NALCN: variants seen among roughly 807,000 people sequenced by gnomAD.
NALCN encodes sodium leak channel NALCN.
A neutral mutation model predicts 225.3 loss-of-function variants in NALCN; 111 were observed. The ratio of observed to expected loss-of-function variants is 0.49; its 90% CI spans 0.42 to 0.58. The LOEUF (loss-of-function observed/expected upper bound fraction) is 0.58, where lower values mean the gene tolerates loss of function less well. Among genes scored for constraint, NALCN ranks in the 20% least tolerant of loss-of-function variants. The pLI, the probability that NALCN is intolerant of heterozygous loss-of-function variation, is 0.00. For missense variants in NALCN, 1,378 were observed against 2,202.4 expected (o/e 0.63, Z 7.49); for synonymous variants, 764 against 769.0 (o/e 0.99, Z 0.11).
chr13:101,180,689 C>T (rs1312276523), intron 14 of NALCN: 5 of 191,012 alleles, frequency 2.6e-5, no homozygotes, highest in Middle Eastern at 2.6e-3. Context: ...CTGCCCCTGG[C>T]CCATGTGGGG....
intron 37 of NALCN, among the ~76,000 whole-genome samples, chr13:101,069,904 A>C (rs2032723371): frequency 6.6e-6 from 1 of 151,916 alleles, no homozygotes; most frequent in Non-Finnish European, 1.5e-5. Context: ...TTCCATTTCT[A>C]ATTCTAGTTC....
At chr13:101,353,294 C>G (rs1034211181) in intron 6 of NALCN, among the ~76,000 whole-genome samples, 2 of 152,040 alleles carry the variant, frequency 1.3e-5, no homozygotes, top group African/African-American at 4.8e-5. Context: ...AAAAGCTGAC[C>G]CCTAGATTGA....
chr13:101,090,249 T>C (rs938002931), intron 28 of NALCN, among the ~76,000 whole-genome samples: 1 of 152,222 alleles, frequency 6.6e-6, no homozygotes, highest in Non-Finnish European at 1.5e-5. Flanking sequence ...GTGATCTCAA[T>C]GTAAAACAGC....
At chr13:101,397,021 T>C (rs2047312253) in intron 2 of NALCN, among the ~76,000 whole-genome samples, 1 of 146,566 alleles carries the variant, frequency 6.8e-6, no homozygotes, top group Non-Finnish European at 1.5e-5. Flanking sequence ...AACACACTTC[T>C]GACTCCTGCT....
intron 3 of NALCN, among the ~76,000 whole-genome samples, chr13:101,384,794 A>T (rs916645587): frequency 1.3e-5 from 2 of 152,186 alleles, no homozygotes; most frequent in African/African-American, 4.8e-5. Flanking sequence ...GGAATTAGGG[A>T]GGCAATTAGA....
intron 1 of NALCN, among the ~76,000 whole-genome samples, 194 bp downstream of exon 1, chr13:101,416,118 GC>G (rs1185248435): frequency 3.3e-5 from 5 of 151,598 alleles, no homozygotes; most frequent in Non-Finnish European, 7.4e-5. Context: ...GGGTGGAGGC[GC>G]CCCTCCCCAC....
intron 9 of NALCN, among the ~76,000 whole-genome samples, chr13:101,285,410 C>T (rs2043303769): frequency 6.6e-6 from 1 of 152,064 alleles, no homozygotes; most frequent in African/African-American, 2.4e-5. Flanking sequence ...AGCAATTTTC[C>T]TGTCTCAGCC....
chr13:101,182,000 G>T (rs911788259), intron 14 of NALCN, among the ~76,000 whole-genome samples: 1 of 151,818 alleles, frequency 6.6e-6, no homozygotes, highest in Middle Eastern at 3.2e-3. Context: ...CGGGCGTGGT[G>T]GCGGGTGCCT....
rs1358755038 is a variant in NALCN, at chr13:101,054,188, C to A, written c.*1107G>T. Reference sequence around the variant, plus strand: ...AATCATTTTGCTTTTCTAATTTTCCCGGAGGACATGGGCCATTGACATATA... The same window carrying A: ...AATCATTTTGCTTTTCTAATTTTCCAGGAGGACATGGGCCATTGACATATA... On this transcript the variant is annotated 3_prime_UTR_variant, in exon 44 of 44. Transcript: ENST00000251127. The A allele has an allele frequency of 6.6e-6, 1 of 152,010 alleles. No homozygotes were observed. The highest frequency in any genetic ancestry group is 1.5e-5 in the Non-Finnish European group (1 of 68,018). The allele number at this position is 152,010 out of a possible 1,614,324, so 9.4% of individuals were successfully genotyped here. A position where few individuals can be genotyped will look rare whatever the true frequency, so the allele number is the denominator to read the frequency against.
chr13:101,357,601 C>T (rs2046101754), intron 6 of NALCN, among the ~76,000 whole-genome samples: 2 of 152,056 alleles, frequency 1.3e-5, no homozygotes, highest in African/African-American at 4.8e-5. Context: ...TGAAAATGGC[C>T]ATACTGCCCA....
chr13:101,229,974 T>G (rs1419188709), intron 12 of NALCN, among the ~76,000 whole-genome samples: 1 of 152,116 alleles, frequency 6.6e-6, no homozygotes, highest in Non-Finnish European at 1.5e-5. Flanking sequence ...AGGCCATAAG[T>G]GAAAAATTCT....
chr13:101,358,494 A>G (rs1383416364), intron 6 of NALCN, among the ~76,000 whole-genome samples: 1 of 152,190 alleles, frequency 6.6e-6, no homozygotes, highest in East Asian at 1.9e-4. Context: ...ACCACAATGC[A>G]GTACCATTTC....
chr13:101,317,005 C>T (rs1421901084), intron 7 of NALCN, among the ~76,000 whole-genome samples: 1 of 152,078 alleles, frequency 6.6e-6, no homozygotes, highest in Non-Finnish European at 1.5e-5. Flanking sequence ...AATTTTCCAG[C>T]TATTCTGTAA....
intron 34 of NALCN, among the ~76,000 whole-genome samples, chr13:101,077,527 C>G (rs1345646817): frequency 6.6e-6 from 1 of 152,140 alleles, no homozygotes. Context: ...AAAGGTGACT[C>G]TTGTTATGCT....
chr13:101,392,035 T>A lies in NALCN; in HGVS notation c.291+3148A>T, dbSNP rs531642113. Among the ~76,000 whole-genome samples, 293 of 145,162 alleles carry A rather than the reference T, an allele frequency of 2.0e-3. 2 individuals are homozygous for A. The highest frequency in any genetic ancestry group is 7.3e-3 in the African/African-American group (286 of 39,248). ...AAAAACAAAAAATAAAAAATAAAAA[T>A]AAAAATAAAACAGACAATTTCCATA... On this transcript the variant is annotated intron_variant, in intron 3 of 43. Coordinates refer to ENST00000251127, the MANE Select transcript of NALCN (RefSeq NM_052867.4).
At chr13:101,205,614 T>G (rs570014546) in intron 13 of NALCN, among the ~76,000 whole-genome samples, 1 of 152,266 alleles carries the variant, frequency 6.6e-6, no homozygotes, top group South Asian at 2.1e-4. Flanking sequence ...CCTGGAGATT[T>G]ATGCAAATAG....
At chr13:101,413,101 T>C (rs2047835828) in intron 1 of NALCN, among the ~76,000 whole-genome samples, 1 of 152,178 alleles carries the variant, frequency 6.6e-6, no homozygotes, top group Non-Finnish European at 1.5e-5. Context: ...CCAACACTTT[T>C]TGTAAAAGGG....
chr13:101,055,510 T>G (rs2031117312), intron 43 of NALCN, 22 bp from the exon 44 acceptor site: 1 of 1,605,864 alleles, frequency 6.2e-7, no homozygotes. Context: ...ATGAGTCCTA[T>G]GAGCCACTTG....
At chr13:101,397,464 CATT>C (rs1384930787) in intron 2 of NALCN, among the ~76,000 whole-genome samples, 2 of 150,518 alleles carry the variant, frequency 1.3e-5, no homozygotes, top group African/African-American at 2.4e-5. Context: ...TATATGTACA[CATT>C]ATACATACAT....
Sources: gnomAD v4.1 joint callset for allele counts (sites outside exome capture counted in the v4.1 genomes callset) on GRCh38, gnomAD v4.1.1 for gene constraint, MANE v1.5 for transcripts, NCBI Gene and HGNC (gene_info 2026-07-23, HGNC 2026-07-21) for gene names.